The following BCAR3 variants were observed in gnomAD, a reference collection of about 807,000 sequenced individuals.
The protein encoded by BCAR3 is breast cancer anti-estrogen resistance protein 3.
BCAR3 carries 37 observed loss-of-function variants against 80.1 expected under a neutral mutation model. The ratio of observed to expected loss-of-function variants is 0.46; its 90% CI spans 0.36 to 0.61. The LOEUF is 0.61. BCAR3 is among the 20% of genes least tolerant of loss of function. The probability of loss-of-function intolerance (pLI) is 0.00; values close to 1 mark genes in which losing one functional copy is unlikely to be tolerated. For synonymous variants in BCAR3, 389 were observed against 418.9 expected (o/e 0.93, Z 0.87); for missense variants, 978 against 1,068.2 (o/e 0.92, Z 1.18).
intron 3 of BCAR3, among the ~76,000 whole-genome samples, chr1:93,623,352 G>A (rs887050142): frequency 6.6e-6 from 1 of 152,134 alleles, no homozygotes; most frequent in African/African-American, 2.4e-5. Context: ...AAGCTTTACT[G>A]AGTAGCATGT....
At chr1:93,692,587 T>C (rs1294755047) in intron 3 of BCAR3, among the ~76,000 whole-genome samples, 2 of 152,190 alleles carry the variant, frequency 1.3e-5, no homozygotes, top group African/African-American at 4.8e-5. Context: ...AGGTGGGGGT[T>C]ATTAAGCCCT....
intron 3 of BCAR3, among the ~76,000 whole-genome samples, chr1:93,693,283 G>C (rs1357475996): frequency 6.6e-6 from 1 of 152,236 alleles, no homozygotes; most frequent in African/African-American, 2.4e-5. Context: ...GCTAACCCCT[G>C]GTGCTGCCCT....
chr1:93,801,035 C>T (rs1012618592), intron 2 of BCAR3, among the ~76,000 whole-genome samples: 7 of 152,310 alleles, frequency 4.6e-5, no homozygotes, highest in Non-Finnish European at 7.3e-5. Context: ...TTCCACTTCC[C>T]GCAGAGTATT....
chr1:93,573,617 T>TG (rs1557838249), intron 8 of BCAR3, among the ~76,000 whole-genome samples: 37 of 139,644 alleles, frequency 2.6e-4, no homozygotes, highest in African/African-American at 9.5e-4. Context: ...TTTTTATTAT[T>TG]ATTATTATTA....
intron 2 of BCAR3, among the ~76,000 whole-genome samples, chr1:93,804,609 G>C (rs2223908): frequency 6.6e-6 from 1 of 152,162 alleles, no homozygotes; most frequent in Non-Finnish European, 1.5e-5. Flanking sequence ...GGGCAGGACA[G>C]AGTTGGCCAG....
chr1:93,594,407 G>T (rs931262300), intron 3 of BCAR3: 2 of 152,264 alleles, frequency 1.3e-5, no homozygotes, highest in Admixed American at 1.3e-4. Context: ...TCTGACCAAG[G>T]AGCTGAGATG....
At chr1:93,751,835 C>T (rs1332496344) in intron 2 of BCAR3, among the ~76,000 whole-genome samples, 1 of 152,238 alleles carries the variant, frequency 6.6e-6, no homozygotes, top group African/African-American at 2.4e-5. Flanking sequence ...GCTGGGGCTG[C>T]TGCCCTGGCA....
intron 2 of BCAR3, among the ~76,000 whole-genome samples, chr1:93,765,791 T>G (rs996474106): frequency 5.9e-5 from 9 of 151,766 alleles, no homozygotes; most frequent in Non-Finnish European, 2.9e-5. Context: ...CTCAGCCTCC[T>G]GAGTAGCTGG....
intron 3 of BCAR3, among the ~76,000 whole-genome samples, chr1:93,618,359 A>C (rs1675202697): frequency 6.6e-6 from 1 of 152,240 alleles, no homozygotes; most frequent in Admixed American, 6.5e-5. Flanking sequence ...GGGATGAAAG[A>C]GTATGGCTGT....
intron 9 of BCAR3, among the ~76,000 whole-genome samples, chr1:93,570,269 G>A (rs891265270): frequency 7.9e-5 from 12 of 152,182 alleles, no homozygotes; most frequent in African/African-American, 2.9e-4. Context: ...CTGTTTTTCA[G>A]TGGCAATGAT....
chr1:93,657,683 T>A lies in BCAR3; in HGVS notation c.318-15340A>T, dbSNP rs549771132. 1.5e-4 allele frequency among the ~76,000 whole-genome samples: 22 copies of A among 149,634 alleles called. No individual in the cohort carries two copies. In the Middle Eastern group the frequency reaches 0.01, roughly 71 times the overall value. On this transcript the variant is annotated intron_variant, in intron 2 of 11. Coordinates refer to ENST00000260502, the MANE Select transcript of BCAR3 (RefSeq NM_003567.4). ...AAAATAATTTTGAACATTGAATTGA[T>A]GAAAAAAGCATTAAAAGAATCCTTT... is the stretch of plus-strand genomic sequence containing the variant.
intron 2 of BCAR3, among the ~76,000 whole-genome samples, chr1:93,810,278 A>C (rs1653788646): frequency 6.6e-6 from 1 of 151,792 alleles, no homozygotes; most frequent in East Asian, 1.9e-4. Flanking sequence ...TTTATAGTTT[A>C]TAAATATACG....
chr1:93,611,872 T>C (rs1289538175), intron 3 of BCAR3, among the ~76,000 whole-genome samples: 5 of 152,214 alleles, frequency 3.3e-5, no homozygotes, highest in African/African-American at 1.2e-4. Context: ...AAAGTTACCA[T>C]GGCTACCGCA....
intron 2 of BCAR3, among the ~76,000 whole-genome samples, chr1:93,651,173 T>C (rs1160390070): frequency 6.6e-6 from 1 of 152,018 alleles, no homozygotes. Context: ...GGGGAGAAGG[T>C]AGACACAGGC....
At position 93,592,113 on chromosome 1, in the gene BCAR3, A is replaced by C; in HGVS notation, c.486+152T>G. 9.2e-7 allele frequency: 1 copy of C among 1,085,786 alleles called. No homozygotes were observed. The allele number at this position is 1,085,786 out of a possible 1,614,324, so 67.3% of individuals were successfully genotyped here. ...AGCTCTTCCCAAGGTCTTCTTAGAG[A>C]AGGGTCTAAATGAAGTCATTTTTAG... is the stretch of plus-strand genomic sequence containing the variant. On this transcript the variant is annotated intron_variant, in intron 4 of 11. Transcript: ENST00000260502. This position sits in a 1 kb window ranked among gnomAD's most constrained non-coding sequence, Gnocchi z 4.8.
At position 93,800,332 on chromosome 1, in the gene BCAR3, G is replaced by A. The variant is rs1174632868; in HGVS notation, c.-63+45235C>T. 2.6e-5 allele frequency among the ~76,000 whole-genome samples: 4 copies of A among 152,060 alleles called. No individual in the cohort carries two copies. The East Asian group carries it at 5.8e-4, about 22-fold the overall frequency. Reference sequence around the variant, plus strand: ...CTCACATCTGTAATCCTAGCACCTTGGGAGGCCAAGGTGGGCAGATCCCTT... The same window carrying A: ...CTCACATCTGTAATCCTAGCACCTTAGGAGGCCAAGGTGGGCAGATCCCTT... On this transcript the variant is annotated intron_variant, in intron 2 of 13. Coordinates refer to the BCAR3 transcript ENST00000370244.
At chr1:93,708,177 A>G (rs758061593) in intron 2 of BCAR3, among the ~76,000 whole-genome samples, 12 of 152,182 alleles carry the variant, frequency 7.9e-5, no homozygotes, top group Non-Finnish European at 1.6e-4. Context: ...CTGAATAGAG[A>G]AAAGAGTAAG....
intron 2 of BCAR3, among the ~76,000 whole-genome samples, chr1:93,756,748 A>C (rs1026049152): frequency 6.6e-6 from 1 of 152,224 alleles, no homozygotes; most frequent in African/African-American, 2.4e-5. Flanking sequence ...TCCATAAGGA[A>C]CACTCCAGGG....
intron 3 of BCAR3, among the ~76,000 whole-genome samples, chr1:93,638,677 G>A (rs1430954468): frequency 6.6e-6 from 1 of 152,204 alleles, no homozygotes; most frequent in Non-Finnish European, 1.5e-5. Flanking sequence ...TAGCTACATG[G>A]TAAACAGCAG....
Sources: allele counts gnomAD v4.1 joint callset (sites outside exome capture counted in the v4.1 genomes callset), GRCh38; gene constraint gnomAD v4.1.1; non-coding constraint Gnocchi (gnomAD v3.1); transcripts MANE v1.5; gene names NCBI Gene and HGNC (gene_info 2026-07-23, HGNC 2026-07-21).